Variants in IRAG1 observed in about 807,000 individuals in gnomAD.
IRAG1 encodes the protein IP3R-associated cGMP kinase substrate.
In IRAG1, 62 loss-of-function variants were observed where a neutral mutation model predicts 106.2. The observed-to-expected ratio is 0.58, with a 90% CI of 0.48 to 0.72. The LOEUF is 0.72. Ranked by LOEUF, IRAG1 falls within the 30% of genes least tolerant of loss-of-function variation. IRAG1 has a pLI of 0.00. For missense variants in IRAG1, 1,064 were observed against 1,140.7 expected (o/e 0.93, Z 0.97); for synonymous variants, 462 against 443.9 (o/e 1.04, Z -0.51).
At chr11:10,673,974 C>G (rs1220073723) in intron 1 of IRAG1, among the ~76,000 whole-genome samples, 1 of 152,018 alleles carries the variant, frequency 6.6e-6, no homozygotes, top group East Asian at 1.9e-4. Context: ...GACACGGGCT[C>G]AGAGAGACAG....
intron 1 of IRAG1, chr11:10,687,891 T>A: frequency 2.2e-6 from 2 of 916,102 alleles, no homozygotes; most frequent in Non-Finnish European, 2.9e-6. Context: ...GGGGGTGGTA[T>A]TTAACTTTGT....
In IRAG1 at chr11:10,576,309, G is replaced by A. The variant is rs1444612711; in HGVS notation, c.*23C>T. On this transcript the variant is annotated 3_prime_UTR_variant, in exon 21 of 21. Transcript: ENST00000423302. ...GGTAGTCTGAGTGTCTCAGAGCAGG[G>A]CACTGGCTAGGTGTGAGGTTTCCTA... 1.9e-6 allele frequency: 3 copies of A among 1,612,574 alleles called. No individual in the cohort carries two copies. Among genetic ancestry groups the A allele is most frequent in the Non-Finnish European group, 1.7e-6 (2 of 1,179,492 alleles).
chr11:10,599,613 A>T (rs1386331155), intron 15 of IRAG1: 1 of 152,190 alleles, frequency 6.6e-6, no homozygotes, highest in Non-Finnish European at 1.5e-5. Flanking sequence ...TCCTGTTTAT[A>T]AAGGTTTCTC....
At chr11:10,581,254 C>T (rs1314270344) in intron 19 of IRAG1, among the ~76,000 whole-genome samples, 2 of 152,118 alleles carry the variant, frequency 1.3e-5, no homozygotes, top group Non-Finnish European at 2.9e-5. Flanking sequence ...GGGTTCTGTG[C>T]CAGTGGGAAG....
chr11:10,684,602 TATAATAATAATAATAATAATA>T (rs72177457), intron 1 of IRAG1, among the ~76,000 whole-genome samples: 27 of 138,952 alleles, frequency 1.9e-4, no homozygotes, highest in African/African-American at 6.9e-4. Context: ...AAACTTAAAG[TATAATAATAATAATAATAATA>T]ATAATAATAA....
rs892312972 is a variant in IRAG1, at chr11:10,647,534, G to A, written c.225+4491C>T. 1.3e-5 allele frequency among the ~76,000 whole-genome samples: 2 copies of A among 152,224 alleles called. No individual in the cohort carries two copies. The highest frequency in any genetic ancestry group is 4.8e-5 in the African/African-American group (2 of 41,460). ...TCTGCTTATGAGTTCACACTGACCT[G>A]CCCCTGGGGGCTTCTAAAACCCTTT... On this transcript the variant is annotated intron_variant, in intron 2 of 20. Coordinates refer to ENST00000423302, the MANE Select transcript of IRAG1 (RefSeq NM_130385.4). This position sits in a 1 kb window ranked among gnomAD's most constrained non-coding sequence, Gnocchi z 4.3.
Position 10,613,108 on chromosome 11 carries a change from T to C in IRAG1, c.1448-3257A>G, listed in dbSNP as rs142283548. ...AGACTCTGATGACCCATCTATGCATTATGTTGTCTCCGAAGCAGTGAACAA... is the reference window on the plus strand; with the variant it reads ...AGACTCTGATGACCCATCTATGCATCATGTTGTCTCCGAAGCAGTGAACAA... On this transcript the variant is annotated intron_variant, in intron 10 of 20. Transcript: ENST00000423302. 1.4e-4 allele frequency among the ~76,000 whole-genome samples: 22 copies of C among 152,260 alleles called. 1 individual carries two copies. The East Asian group carries it at 4.2e-3, about 29-fold the overall frequency.
rs770680690 is a variant in IRAG1, at chr11:10,594,170, C to T, written c.2043G>A (p.Arg681=). The T allele has an allele frequency of 1.9e-6, 3 of 1,610,280 alleles. No homozygotes were observed. The highest frequency in any genetic ancestry group is 3.4e-5 in the Admixed American group (2 of 59,554). ...CCTTTCCCAGCGTGAGGGACATGGACCGTGCCGTGCGAGGGACCCCATCTT... is the reference window on the plus strand; with the variant it reads ...CCTTTCCCAGCGTGAGGGACATGGATCGTGCCGTGCGAGGGACCCCATCTT... ...PSEDGVPRTA[R]SMSLTLGKNM... Residue 681 remains arginine (R), a synonymous_variant, in exon 16 of 21, where the codon CGG becomes CGA. Transcript: ENST00000423302.
chr11:10,606,941 C>A (rs1031294275), intron 11 of IRAG1, among the ~76,000 whole-genome samples, 169 bp from the exon 12 acceptor site: 1 of 152,162 alleles, frequency 6.6e-6, no homozygotes, highest in Non-Finnish European at 1.5e-5. Flanking sequence ...CTGTGAGATA[C>A]TGACTCTTAC....
chr11:10,668,708 A>G (rs1859984833), intron 1 of IRAG1, among the ~76,000 whole-genome samples: 2 of 152,246 alleles, frequency 1.3e-5, no homozygotes, highest in Admixed American at 1.3e-4. Context: ...AGAGACACTC[A>G]AGGATCTTCA....
rs772786243 is a variant in IRAG1, at chr11:10,603,186, G to A, written c.1809C>T (p.Ile603=). Residue 603 remains isoleucine, a synonymous_variant, in exon 14 of 21, where the codon ATC becomes ATT. Coordinates refer to ENST00000423302, the MANE Select transcript of IRAG1 (RefSeq NM_130385.4). The stretch of plus-strand genomic sequence containing the variant: ...GGGCAGCCAGGCGGTGCAGGACAGC[G>A]ATGTCCTCCAGCAACTTCTGGTAGG... ...RETYQKLLED[I]AVLHRLAARL... is the part of the protein sequence containing the mutation. 9 of 1,612,030 alleles carry A rather than the reference G, an allele frequency of 5.6e-6. 1 individual carries two copies. The highest frequency in any genetic ancestry group is 5.0e-5 in the Admixed American group (3 of 59,834).
In IRAG1 at chr11:10,626,516, G is replaced by A. The variant is rs773183422; in HGVS notation, c.818C>T (p.Ala273Val). ...DQRKVSQGRL[A>V]PRPPPVEKSK... ...CTTCTCAACTGGAGGAGGACGAGGA[G>A]CCAGCCTGCCCTGAGACACTTTCCT... Residue 273 changes from alanine to valine, a missense_variant, in exon 9 of 21, where the codon GCT becomes GTT. Ala to Val is a moderately conservative substitution (Grantham distance 64). Transcript: ENST00000423302. 3.7e-5 allele frequency: 59 copies of A among 1,613,296 alleles called. No individual in the cohort carries two copies. Among genetic ancestry groups the A allele is most frequent in the Non-Finnish European group, 1.4e-5 (17 of 1,179,640 alleles).
At chr11:10,600,138 C>CTAT (rs753765449) in intron 15 of IRAG1, among the ~76,000 whole-genome samples, 8 of 152,310 alleles carry the variant, frequency 5.3e-5, no homozygotes, top group South Asian at 2.1e-4. Context: ...TGGAGAACTC[C>CTAT]TATTTTTACT....
intron 1 of IRAG1, among the ~76,000 whole-genome samples, chr11:10,668,599 G>A (rs1859972387): frequency 6.6e-6 from 1 of 152,184 alleles, no homozygotes; most frequent in African/African-American, 2.4e-5. Flanking sequence ...TTATAAAGCC[G>A]AAATATGTAC....
chr11:10,632,114 T>C (rs997634290), intron 3 of IRAG1, 53 bp from the exon 4 acceptor site: 19 of 1,290,868 alleles, frequency 1.5e-5, no homozygotes, highest in South Asian at 4.8e-5. Context: ...AACTTGAAAA[T>C]AGGTGAAAAG....
Position 10,628,104 on chromosome 11 carries a change from C to G in IRAG1, c.653-79G>C. The G allele has an allele frequency of 6.8e-7, 1 of 1,481,444 alleles. No homozygotes were observed. Among genetic ancestry groups the G allele is most frequent in the South Asian group, 1.2e-5 (1 of 85,290 alleles). The allele number at this position is 1,481,444 out of a possible 1,614,324, so 91.8% of individuals were successfully genotyped here. A position where few individuals can be genotyped will look rare whatever the true frequency, so the allele number is the denominator to read the frequency against. On this transcript the variant is annotated intron_variant, in intron 6 of 20. Transcript: ENST00000423302. This position sits in a 1 kb window ranked among gnomAD's most constrained non-coding sequence, Gnocchi z 4.1. ...GTGCTTTCAGCCACATCTCCCTCCC[C>G]GGGCTATCCTCCCTTTGCAATCTCA...
At chr11:10,582,081 G>A in intron 18 of IRAG1, 95 bp from the exon 19 acceptor site, 4 of 1,427,166 alleles carry the variant, frequency 2.8e-6, no homozygotes, top group Non-Finnish European at 3.7e-6. Flanking sequence ...GATTAGGAGT[G>A]AGGAAACTCA....
intron 2 of IRAG1, among the ~76,000 whole-genome samples, chr11:10,650,496 A>G (rs183177238): frequency 6.6e-6 from 1 of 152,316 alleles, no homozygotes; most frequent in Non-Finnish European, 1.5e-5. Flanking sequence ...GGGTACTACC[A>G]TTGTTAGTAA....
At chr11:10,680,188 G>A (rs1386667420) in intron 1 of IRAG1, among the ~76,000 whole-genome samples, 9 of 150,868 alleles carry the variant, frequency 6.0e-5, no homozygotes, top group Admixed American at 3.3e-4. Flanking sequence ...TAGGAGAATC[G>A]CTTGAACCCA....
Sources: allele counts gnomAD v4.1 joint callset (sites outside exome capture counted in the v4.1 genomes callset), GRCh38; gene constraint gnomAD v4.1.1; non-coding constraint Gnocchi (gnomAD v3.1); transcripts MANE v1.5; gene names NCBI Gene and HGNC (gene_info 2026-07-23, HGNC 2026-07-21).